The following LYPD1 variants were observed in gnomAD, a reference collection of about 807,000 sequenced individuals.
LYPD1 encodes the protein ly6/PLAUR domain-containing protein 1.
LYPD1 carries 14 observed loss-of-function variants against 14.2 expected under a neutral mutation model. The ratio of observed to expected loss-of-function variants is 0.99; its 90% CI spans 0.65 to 1.54. The LOEUF is 1.54. Ranked by LOEUF, LYPD1 falls within the 40% of genes most tolerant of loss-of-function variation. LYPD1 has a pLI of 0.00. For missense variants in LYPD1, 165 were observed against 175.7 expected (o/e 0.94, Z 0.34); for synonymous variants, 85 against 70.6 (o/e 1.20, Z -1.02).
At chr2:132,657,359 T>C (rs1468277669) in intron 2 of LYPD1, among the ~76,000 whole-genome samples, 1 of 152,212 alleles carries the variant, frequency 6.6e-6, no homozygotes, top group Non-Finnish European at 1.5e-5. Flanking sequence ...TATGACTTAT[T>C]ATCTCAGTAT....
intron 2 of LYPD1, among the ~76,000 whole-genome samples, chr2:132,667,400 A>G (rs1018886398): frequency 6.6e-6 from 1 of 152,154 alleles, no homozygotes. Context: ...AGAAGAAACG[A>G]CTTTCCCAAG....
In LYPD1 at chr2:132,661,782, G is replaced by T. The variant is rs180785380; in HGVS notation, c.190+6618C>A. Among the ~76,000 whole-genome samples the T allele has an allele frequency of 6.6e-5, 10 of 152,216 alleles. No individual in the cohort carries two copies. The East Asian group carries it at 1.9e-3, about 29-fold the overall frequency. On this transcript the variant is annotated intron_variant, in intron 2 of 2. Coordinates refer to ENST00000397463, the MANE Select transcript of LYPD1 (RefSeq NM_144586.7). ...CTAATAAAATAAAGTTTCTTTTGGG[G>T]TGATGAAATGTTCTTGAACTGGTGG...
At chr2:132,653,974 GAGA>G (rs1325185973) in intron 2 of LYPD1, among the ~76,000 whole-genome samples, 2 of 143,154 alleles carry the variant, frequency 1.4e-5, no homozygotes, top group African/African-American at 5.5e-5. Context: ...GAGGTTAGAG[GAGA>G]AGGAGACATG....
At chr2:132,663,788 C>G (rs1683106068) in intron 2 of LYPD1, among the ~76,000 whole-genome samples, 1 of 152,052 alleles carries the variant, frequency 6.6e-6, no homozygotes, top group Non-Finnish European at 1.5e-5. Context: ...GAGACAGGGA[C>G]AAATGGAGGA....
chr2:132,647,601 G>A (rs1000420941), intron 2 of LYPD1, among the ~76,000 whole-genome samples: 4 of 152,188 alleles, frequency 2.6e-5, no homozygotes, highest in Non-Finnish European at 5.9e-5. Context: ...AAAATGCTGG[G>A]ATTACAGGCA....
At chr2:132,653,442 A>G (rs1682431814) in intron 2 of LYPD1, among the ~76,000 whole-genome samples, 1 of 152,246 alleles carries the variant, frequency 6.6e-6, no homozygotes. Context: ...GCTGACATAG[A>G]TAAATGAGTA....
At chr2:132,650,253 T>C (rs1377059876) in intron 2 of LYPD1, among the ~76,000 whole-genome samples, 3 of 152,188 alleles carry the variant, frequency 2.0e-5, no homozygotes, top group Non-Finnish European at 4.4e-5. Context: ...AAATTAAAAC[T>C]ACACTGAGAT....
At chr2:132,664,049 GTGTGTGTGTGCACA>G (rs967907843) in intron 2 of LYPD1, among the ~76,000 whole-genome samples, 1 of 152,100 alleles carries the variant, frequency 6.6e-6, no homozygotes, top group Non-Finnish European at 1.5e-5. Context: ...ATATGACTGT[GTGTGTGTGTGCACA>G]TATGTGTGCG....
chr2:132,659,311 T>C (rs1447038895), intron 2 of LYPD1, among the ~76,000 whole-genome samples: 2 of 151,966 alleles, frequency 1.3e-5, no homozygotes, highest in African/African-American at 2.4e-5. Context: ...TACCAGTGAG[T>C]GTGTGTGTCT....
Position 132,644,948 on chromosome 2 carries a change from G to A in LYPD1, c.*1097C>T. Reference sequence around the variant, plus strand: ...TTCTCTCTTGCTTGTGGCAAAAGAAGCTGTCAAGTCCAACACTGAAAAATT... The same window carrying A: ...TTCTCTCTTGCTTGTGGCAAAAGAAACTGTCAAGTCCAACACTGAAAAATT... On this transcript the variant is annotated 3_prime_UTR_variant, in exon 3 of 3. Coordinates refer to ENST00000397463, the MANE Select transcript of LYPD1 (RefSeq NM_144586.7). 1 of 795,326 alleles carries A rather than the reference G, an allele frequency of 1.3e-6. No individual in the cohort carries two copies. Among genetic ancestry groups the A allele is most frequent in the Non-Finnish European group, 1.9e-6 (1 of 515,000 alleles). 49.3% of individuals were successfully genotyped at this position (795,326 alleles called of 1,614,324 possible). A position where few individuals can be genotyped will look rare whatever the true frequency, so the allele number is the denominator to read the frequency against.
intron 2 of LYPD1, among the ~76,000 whole-genome samples, chr2:132,654,206 G>T (rs1407027290): frequency 6.6e-6 from 1 of 152,152 alleles, no homozygotes; most frequent in African/African-American, 2.4e-5. Flanking sequence ...TTTTCTATAA[G>T]TCTCAATTTA....
At chr2:132,664,036 A>T (rs1558886691) in intron 2 of LYPD1, among the ~76,000 whole-genome samples, 3 of 151,968 alleles carry the variant, frequency 2.0e-5, no homozygotes, top group Admixed American at 1.3e-4. Flanking sequence ...CACACACACA[A>T]ATATATGACT....
rs1445813034 is a variant in LYPD1, at chr2:132,644,338, G to A, written c.*1707C>T. ...TTGCTTCTGGGCTGTTGACAGCACA[G>A]CTCAGTGCTGCAAAGGAAGGGAACA... is the stretch of plus-strand genomic sequence containing the variant. On this transcript the variant is annotated 3_prime_UTR_variant, in exon 3 of 3. Transcript: ENST00000397463. Among the ~76,000 whole-genome samples the A allele has an allele frequency of 6.6e-6, 1 of 152,212 alleles. No homozygotes were observed. The highest frequency in any genetic ancestry group is 1.9e-4 in the East Asian group (1 of 5,190).
chr2:132,663,836 A>G (rs1683108300), intron 2 of LYPD1, among the ~76,000 whole-genome samples: 1 of 152,212 alleles, frequency 6.6e-6, no homozygotes, highest in Non-Finnish European at 1.5e-5. Context: ...TACTTCTAAC[A>G]AAGTTGTTCT....
chr2:132,670,091 GC>G lies in LYPD1; in HGVS notation c.-160del. Reference sequence around the variant, plus strand: ...GTAGCTTAGAGGAGCCGCAGGTGCCGCTCGCGGAGCCTGCATCGCCCGCGCT... The same window carrying G: ...GTAGCTTAGAGGAGCCGCAGGTGCCGTCGCGGAGCCTGCATCGCCCGCGCT... On this transcript the variant is annotated 5_prime_UTR_variant, in exon 1 of 3. It introduces an in-frame stop codon into an upstream open reading frame of the 5' UTR. Coordinates refer to ENST00000397463, the MANE Select transcript of LYPD1 (RefSeq NM_144586.7). The surrounding 1 kb of genome is among the most constrained non-coding windows in gnomAD (Gnocchi z 4.5). 1 of 1,470,746 alleles carries G rather than the reference GC, an allele frequency of 6.8e-7. No individual in the cohort carries two copies. The highest frequency in any genetic ancestry group is 8.9e-7 in the Non-Finnish European group (1 of 1,118,704). 91.1% of individuals were successfully genotyped at this position (1,470,746 alleles called of 1,614,324 possible). A position where few individuals can be genotyped will look rare whatever the true frequency, so the allele number is the denominator to read the frequency against.
At position 132,669,791 on chromosome 2, in the gene LYPD1, C is replaced by T; in HGVS notation, c.52+90G>A. The T allele has an allele frequency of 6.4e-7, 1 of 1,560,970 alleles. No homozygotes were observed. Among genetic ancestry groups the T allele is most frequent in the Non-Finnish European group, 8.6e-7 (1 of 1,156,394 alleles). ...TGGGCAGCCCCAGCGCAGGGCTGGC[C>T]CCGAGGTGGGCGCCTTGGGGGCAAA... is the stretch of plus-strand genomic sequence containing the variant. On this transcript the variant is annotated intron_variant, in intron 1 of 2. Coordinates refer to ENST00000397463, the MANE Select transcript of LYPD1 (RefSeq NM_144586.7). The surrounding 1 kb of genome is among the most constrained non-coding windows in gnomAD (Gnocchi z 4.3).
At chr2:132,648,146 C>CATGG (rs1395323050) in intron 2 of LYPD1, among the ~76,000 whole-genome samples, 6 of 152,194 alleles carry the variant, frequency 3.9e-5, no homozygotes, top group Non-Finnish European at 7.3e-5. Context: ...ATTTGCCATC[C>CATGG]ATGGCCCTTT....
intron 2 of LYPD1, among the ~76,000 whole-genome samples, chr2:132,657,934 A>G (rs1481390464): frequency 1.3e-5 from 2 of 152,194 alleles, no homozygotes; most frequent in Non-Finnish European, 2.9e-5. Flanking sequence ...CTGATCTGGC[A>G]GACAATCACA....
chr2:132,659,614 C>A (rs539567252), intron 2 of LYPD1, among the ~76,000 whole-genome samples: 108 of 152,324 alleles, frequency 7.1e-4, no homozygotes, highest in African/African-American at 2.0e-3. Flanking sequence ...CCCTCTTTCC[C>A]TTGCAGCAGT....
Sources: allele counts gnomAD v4.1 joint callset (sites outside exome capture counted in the v4.1 genomes callset), GRCh38; gene constraint gnomAD v4.1.1; non-coding constraint Gnocchi (gnomAD v3.1); transcripts MANE v1.5; gene names NCBI Gene and HGNC (gene_info 2026-07-23, HGNC 2026-07-21).